Variants in TWF1 observed in about 807,000 individuals in gnomAD.
TWF1 encodes the protein twinfilin-1.
TWF1 carries 14 observed loss-of-function variants against 47.9 expected under a neutral mutation model. That is an observed-to-expected ratio of 0.29 (90% CI 0.19 to 0.46). TWF1 has a LOEUF of 0.46. Among genes scored for constraint, TWF1 ranks in the 20% least tolerant of loss-of-function variants. TWF1 has a pLI of 1.00. For synonymous variants in TWF1, 96 were observed against 139.2 expected (o/e 0.69, Z 2.18); for missense variants, 281 against 409.3 (o/e 0.69, Z 2.70).
At position 43,794,152 on chromosome 12, in the gene TWF1, T is replaced by C. The variant is rs1031539579; in HGVS notation, c.*1433A>G. The C allele has an allele frequency of 4.6e-5, 7 of 152,748 alleles. No individual in the cohort carries two copies. The highest frequency in any genetic ancestry group is 1.4e-4 in the African/African-American group (6 of 41,580). The allele number at this position is 152,748 out of a possible 1,614,324, so 9.5% of individuals were successfully genotyped here. Reference sequence around the variant, plus strand: ...TAATGCAATAATTTGGGTGTATGTGTGTCTGTCTACGTGTACACCCATGGA... The same window carrying C: ...TAATGCAATAATTTGGGTGTATGTGCGTCTGTCTACGTGTACACCCATGGA... On this transcript the variant is annotated 3_prime_UTR_variant, in exon 9 of 9. Transcript: ENST00000395510.
chr12:43,803,832 C>T (rs984233821), intron 2 of TWF1, among the ~76,000 whole-genome samples: 6 of 151,932 alleles, frequency 3.9e-5, no homozygotes, highest in African/African-American at 1.2e-4. Context: ...TTTTCCAAAG[C>T]AAAATATTTT....
At chr12:43,797,576 A>G in intron 6 of TWF1, 124 bp from the exon 7 acceptor site, 1 of 1,412,358 alleles carries the variant, frequency 7.1e-7, no homozygotes, top group Non-Finnish European at 9.5e-7. Flanking sequence ...CTTTTTCACA[A>G]TGAACATTTA....
intron 4 of TWF1, 150 bp downstream of exon 4, chr12:43,800,285 C>A: frequency 1.8e-6 from 1 of 553,890 alleles, no homozygotes; most frequent in Non-Finnish European, 3.1e-6. Flanking sequence ...TTCATTACAG[C>A]TAACTTTAAT....
chr12:43,805,828 C>A, intron 1 of TWF1: 1 of 1,384,544 alleles, frequency 7.2e-7, no homozygotes, highest in Non-Finnish European at 9.6e-7. Context: ...AAAGAAAACT[C>A]GCCTGGTTCT....
At chr12:43,803,548 A>G (rs1033017078) in intron 2 of TWF1, among the ~76,000 whole-genome samples, 3 of 152,296 alleles carry the variant, frequency 2.0e-5, no homozygotes, top group Middle Eastern at 3.4e-3. Context: ...CCAGAAAATA[A>G]TAACTTAGGA....
At chr12:43,802,199 T>C in intron 3 of TWF1, 87 bp downstream of exon 3, 1 of 856,672 alleles carries the variant, frequency 1.2e-6, no homozygotes, top group South Asian at 2.5e-5. Flanking sequence ...GAAATAATTA[T>C]TGTTTTTTAA....
rs1942725383 is a variant in TWF1, at chr12:43,804,695, A to G, written c.26-123T>C. 8.6e-6 allele frequency: 5 copies of G among 581,616 alleles called. No individual in the cohort carries two copies. The East Asian group carries it at 1.3e-4, about 15-fold the overall frequency. 36.0% of individuals were successfully genotyped at this position (581,616 alleles called of 1,614,324 possible). ...TGGAGCATGTAGCATCCTTATTATC[A>G]GTATTATAAAACTTTACCGCATAAA... On this transcript the variant is annotated intron_variant, in intron 1 of 8. Transcript: ENST00000395510.
intron 1 of TWF1, 185 bp downstream of exon 1, chr12:43,806,036 G>A: frequency 2.6e-6 from 4 of 1,520,544 alleles, no homozygotes; most frequent in Middle Eastern, 1.8e-4. Context: ...CCGGGCTGGA[G>A]GAGGACGCAG....
intron 5 of TWF1, among the ~76,000 whole-genome samples, chr12:43,798,353 C>G (rs759623135): frequency 6.6e-6 from 1 of 151,974 alleles, no homozygotes; most frequent in African/African-American, 2.4e-5. Flanking sequence ...ACATGGTGTG[C>G]ATGTACTGGA....
rs1161199929 is a variant in TWF1 at position 43,794,685 on chromosome 12, G to C, written c.*900C>G. 2.0e-5 allele frequency: 3 copies of C among 151,496 alleles called. No individual in the cohort carries two copies. Among genetic ancestry groups the C allele is most frequent in the African/African-American group, 7.3e-5 (3 of 41,152 alleles). 9.4% of individuals were successfully genotyped at this position (151,496 alleles called of 1,614,324 possible). A position where few individuals can be genotyped will look rare whatever the true frequency, so the allele number is the denominator to read the frequency against. On this transcript the variant is annotated 3_prime_UTR_variant, in exon 9 of 9. Transcript: ENST00000395510. ...ATACAGTATTAACTGAGATTATTAA[G>C]GTGTTTATCTACGTTAGCCTGTTAA... is the stretch of plus-strand genomic sequence containing the variant.
chr12:43,801,679 T>A (rs192398346), intron 3 of TWF1, among the ~76,000 whole-genome samples: 28 of 152,258 alleles, frequency 1.8e-4, no homozygotes, highest in Admixed American at 2.6e-4. Flanking sequence ...CAATTATTAC[T>A]CTCAGGGCCA....
intron 2 of TWF1, among the ~76,000 whole-genome samples, chr12:43,802,832 C>G (rs1454890933): frequency 6.6e-6 from 1 of 152,054 alleles, no homozygotes; most frequent in Admixed American, 6.6e-5. Flanking sequence ...AACTACCATT[C>G]AAAAGTATAA....
intron 3 of TWF1, among the ~76,000 whole-genome samples, chr12:43,801,962 A>G (rs141317022): frequency 0.019 from 2,855 of 152,322 alleles, 54 homozygotes; most frequent in South Asian, 0.072. Context: ...CCTGGGAGGC[A>G]GAGGTTGCAG....
intron 1 of TWF1, among the ~76,000 whole-genome samples, chr12:43,804,807 T>C (rs1232825061): frequency 6.6e-6 from 1 of 152,248 alleles, no homozygotes; most frequent in Non-Finnish European, 1.5e-5. Flanking sequence ...AGCTACATAA[T>C]TCTGTGCAGA....
chr12:43,802,536 A>C, intron 2 of TWF1, 72 bp from the exon 3 acceptor site: 1 of 1,078,358 alleles, frequency 9.3e-7, no homozygotes, highest in South Asian at 1.5e-5. Context: ...TGAAGACTAG[A>C]AAAATAAATA....
At chr12:43,798,613 C>T (rs749357110) in intron 5 of TWF1, 1 of 1,471,756 alleles carries the variant, frequency 6.8e-7, no homozygotes, top group South Asian at 1.3e-5. Context: ...AACAAACTAT[C>T]AAACTCGTAA....
At chr12:43,804,450 G>T in intron 2 of TWF1, 45 bp downstream of exon 2, 1 of 1,192,270 alleles carries the variant, frequency 8.4e-7, no homozygotes, top group Non-Finnish European at 1.2e-6. Context: ...AAATACAACA[G>T]CCACTAATCC....
rs1335457295 is a variant in TWF1, at chr12:43,795,062, A to C, written c.*523T>G. ...CAAATATAAAAGACTGCTGCAATAT[A>C]AAGCACTATTTCTAAAAGTTGCAGA... is the stretch of plus-strand genomic sequence containing the variant. On this transcript the variant is annotated 3_prime_UTR_variant, in exon 9 of 9. Transcript: ENST00000395510. The C allele has an allele frequency of 2.0e-5, 3 of 152,274 alleles. No homozygotes were observed. Among genetic ancestry groups the C allele is most frequent in the Non-Finnish European group, 4.4e-5 (3 of 68,062 alleles). The allele number at this position is 152,274 out of a possible 1,614,324, so 9.4% of individuals were successfully genotyped here.
At chr12:43,796,066 T>C (rs985012649) in intron 8 of TWF1, among the ~76,000 whole-genome samples, 1 of 152,234 alleles carries the variant, frequency 6.6e-6, no homozygotes, top group Non-Finnish European at 1.5e-5. Flanking sequence ...CATTTACTCA[T>C]GACCCTTTCA....
Sources: allele counts gnomAD v4.1 joint callset (sites outside exome capture counted in the v4.1 genomes callset), GRCh38; gene constraint gnomAD v4.1.1; transcripts MANE v1.5; gene names NCBI Gene and HGNC (gene_info 2026-07-23, HGNC 2026-07-21).